DNAH12: variants seen among roughly 807,000 people sequenced by gnomAD.
DNAH12 encodes the protein dynein axonemal heavy chain 12.
In DNAH12, 285 loss-of-function variants were observed where a neutral mutation model predicts 371.5. That is an observed-to-expected ratio of 0.77 (90% CI 0.70 to 0.85). The LOEUF (loss-of-function observed/expected upper bound fraction) is 0.85, where lower values mean the gene tolerates loss of function less well. DNAH12 is among the 40% of genes least tolerant of loss of function. DNAH12 has a pLI of 0.00. For synonymous variants in DNAH12, 1,200 were observed against 1,213.0 expected, an observed-to-expected ratio of 0.99 and a Z score of 0.22; for missense variants, 3,611 against 3,689.4, an observed-to-expected ratio of 0.98 and a Z score of 0.55.
At chr3:57,551,365 G>A in the DNAH12 span, among the ~76,000 whole-genome samples, 10 of 151,768 alleles carry the variant, frequency 6.6e-5, no homozygotes, top group African/African-American at 2.2e-4. Flanking sequence ...TCCGCCTCCC[G>A]GGTTCACACC....
At position 57,386,595 on chromosome 3, in the gene DNAH12, T is replaced by C. The variant is rs1482970706; in HGVS notation, c.7448A>G (p.His2483Arg). Reference protein sequence around the residue: ...SIMDLSERFLHELGRHNYVTA... With the variant: ...SIMDLSERFLRELGRHNYVTA... ...AACATAGTTATGTCGTCCTAACTCA[T>C]GCAAGAACCTAAAAGAGAGGCAGGT... Residue 2483 changes from histidine (H) to arginine (R), a missense_variant, in exon 47 of 74, where the codon CAT becomes CGT. By Grantham distance (29) the His-to-Arg change is conservative (BLOSUM62 0). Transcript: ENST00000495027. 6.6e-6 allele frequency: 1 copy of C among 152,188 alleles called. No homozygotes were observed. Among genetic ancestry groups the C allele is most frequent in the South Asian group, 2.1e-4 (1 of 4,828 alleles). 9.4% of individuals were successfully genotyped at this position (152,188 alleles called of 1,614,324 possible).
chr3:57,461,116 T>C (rs1179827067), intron 19 of DNAH12, among the ~76,000 whole-genome samples: 1 of 152,170 alleles, frequency 6.6e-6, no homozygotes, highest in East Asian at 1.9e-4. Context: ...TTATGCTAGC[T>C]GTTTACAACT....
At chr3:57,450,762 C>A (rs2065733873) in intron 25 of DNAH12, among the ~76,000 whole-genome samples, 1 of 152,170 alleles carries the variant, frequency 6.6e-6, no homozygotes, top group South Asian at 2.1e-4. Flanking sequence ...AGGCAGCTAC[C>A]CGAGAAAATA....
chr3:57,333,846 C>T (rs546556534), intron 62 of DNAH12, among the ~76,000 whole-genome samples: 2 of 152,120 alleles, frequency 1.3e-5, no homozygotes, highest in African/African-American at 4.8e-5. Flanking sequence ...TGCCAAAAAG[C>T]AGGAAATTAT....
intron 35 of DNAH12, among the ~76,000 whole-genome samples, chr3:57,424,244 C>T (rs1454233034): frequency 2.7e-5 from 4 of 150,894 alleles, no homozygotes; most frequent in East Asian, 2.0e-4. Context: ...CCGAGGTGGG[C>T]GAATCACCTG....
chr3:57,330,256 A>T (rs2153303304), intron 62 of DNAH12, among the ~76,000 whole-genome samples: 1 of 151,606 alleles, frequency 6.6e-6, no homozygotes, highest in South Asian at 2.1e-4. Flanking sequence ...ATAAAGACAC[A>T]TGCACACGTA....
intron 62 of DNAH12, among the ~76,000 whole-genome samples, chr3:57,332,429 T>G (rs951180280): frequency 1.3e-5 from 2 of 152,186 alleles, no homozygotes; most frequent in Non-Finnish European, 2.9e-5. Flanking sequence ...CAGGCACAAT[T>G]AATGAAACCA....
At chr3:57,294,221 G>A (rs1039097331) in intron 73 of DNAH12, among the ~76,000 whole-genome samples, 1 of 144,374 alleles carries the variant, frequency 6.9e-6, no homozygotes, top group African/African-American at 2.6e-5. Flanking sequence ...CTGTCACCTA[G>A]GCTGGAGTAC....
chr3:57,454,882 A>G lies in DNAH12; in HGVS notation c.3349T>C (p.Ser1117Pro). The G allele has an allele frequency of 3.9e-6, 6 of 1,550,738 alleles. No homozygotes were observed. Among genetic ancestry groups the G allele is most frequent in the Non-Finnish European group, 5.2e-6 (6 of 1,146,614 alleles). ...IAAARLAYPE[S>P]ARRDWVREWP... ...TCTCGAACCCAGTCTCTTCTTGCAG[A>G]TTCTGGATAAGCCTGAACAATTAAA... Residue 1117 changes from serine (S) to proline (P), a missense_variant, in exon 23 of 74, where the codon TCT becomes CCT. Physicochemically the swap from Ser to Pro is moderately conservative, Grantham distance 74. Transcript: ENST00000495027.
chr3:57,395,062 G>A (rs2063708904), intron 43 of DNAH12, among the ~76,000 whole-genome samples: 1 of 152,070 alleles, frequency 6.6e-6, no homozygotes, highest in South Asian at 2.1e-4. Flanking sequence ...ATTTAAAAGG[G>A]AGGTAAATGC....
chr3:57,518,735 G>A (rs1487780562), intron 4 of DNAH12, among the ~76,000 whole-genome samples: 3 of 152,144 alleles, frequency 2.0e-5, no homozygotes, highest in Non-Finnish European at 4.4e-5. Context: ...TTAAGCATGA[G>A]TAACCGGATT....
intron 60 of DNAH12, among the ~76,000 whole-genome samples, chr3:57,341,037 C>G (rs532732582): frequency 2.6e-5 from 4 of 152,092 alleles, no homozygotes; most frequent in African/African-American, 9.7e-5. Flanking sequence ...AAAAACAACA[C>G]GATCATCTCA....
chr3:57,390,424 A>AATATATATATATATATAT (rs1159621191), intron 45 of DNAH12, among the ~76,000 whole-genome samples: 4 of 33,436 alleles, frequency 1.2e-4, no homozygotes, highest in African/African-American at 1.9e-4. Flanking sequence ...AAAAAAAAAA[A>AATATATATATATATATAT]ATATATATAT....
chr3:57,449,704 C>T (rs1033904205), intron 25 of DNAH12, among the ~76,000 whole-genome samples: 6 of 152,200 alleles, frequency 3.9e-5, no homozygotes, highest in African/African-American at 1.4e-4. Flanking sequence ...CCGCACGCAG[C>T]CTTGGTTCCC....
chr3:57,404,408 T>C (rs1327824777), intron 42 of DNAH12, among the ~76,000 whole-genome samples: 1 of 152,056 alleles, frequency 6.6e-6, no homozygotes, highest in Non-Finnish European at 1.5e-5. Flanking sequence ...ACATGTATAG[T>C]AAAAGTTCTA....
intron 64 of DNAH12, 35 bp from the exon 65 acceptor site, chr3:57,322,518 T>A (rs910962386): frequency 6.5e-7 from 1 of 1,536,684 alleles, no homozygotes; most frequent in African/African-American, 1.4e-5. Context: ...TTATACAAGA[T>A]AGCAAGTGGA....
chr3:57,470,765 GGC>G, intron 15 of DNAH12, 129 bp from the exon 16 acceptor site: 2 of 792,918 alleles, frequency 2.5e-6, no homozygotes, highest in Non-Finnish European at 3.8e-6. Flanking sequence ...GGAGTGCAGT[GGC>G]GTGATCTGGG....
At position 57,527,582 on chromosome 3, in the gene DNAH12, C is replaced by T. The variant is rs180912041; in HGVS notation, c.171-3698G>A. 9.2e-4 allele frequency among the ~76,000 whole-genome samples: 140 copies of T among 152,218 alleles called. 1 individual carries two copies. Among genetic ancestry groups the T allele is most frequent in the African/African-American group, 1.2e-3 (48 of 41,534 alleles). On this transcript the variant is annotated intron_variant, in intron 2 of 73. Transcript: ENST00000495027. The stretch of plus-strand genomic sequence containing the variant: ...CACACTTTGAAGCAACCAGATCTCA[C>T]GAGAACTCACTATCATGAGGACAGC...
In DNAH12 at chr3:57,501,340, G is replaced by A. The variant is rs565414248; in HGVS notation, c.1316C>T (p.Thr439Ile). The change falls in exon 11 of 74, where the codon ACT becomes ATT. Residue 439 changes from threonine to isoleucine, a missense_variant. Around this residue, in one of 3 missense-constraint regions of DNAH12, gnomAD observed 1,314 missense variants for 1,398.7 expected, o/e 0.94. Coordinates refer to ENST00000495027, the MANE Select transcript of DNAH12 (RefSeq NM_001366028.2). The part of the protein sequence containing the change: ...NIETFQTEDH[T>I]FDEYTEFIEK... ...GCTTACCTCTGTATATTCATCAAAA[G>A]TATGATCTTCTGTCTGAAAAGTCTC... 2.5e-6 allele frequency: 4 copies of A among 1,597,294 alleles called. No homozygotes were observed. In the Admixed American group the frequency reaches 5.4e-5, roughly 22 times the overall value.
Sources: gnomAD v4.1 joint callset for allele counts (sites outside exome capture counted in the v4.1 genomes callset) on GRCh38, gnomAD v4.1.1 for gene constraint, gnomAD v4.1.1 regional missense constraint, MANE v1.5 for transcripts, NCBI Gene and HGNC (gene_info 2026-07-23, HGNC 2026-07-21) for gene names.